The following TENM4 variants were observed in gnomAD, a reference collection of about 807,000 sequenced individuals.
TENM4 encodes teneurin transmembrane protein 4, also known as teneurin-4.
Under a neutral mutation model 243.3 loss-of-function variants are expected in TENM4, and 82 were observed. That is an observed-to-expected ratio of 0.34 (90% confidence interval 0.28 to 0.40). The LOEUF (loss-of-function observed/expected upper bound fraction) is 0.40, where lower values mean the gene tolerates loss of function less well. Among genes scored for constraint, TENM4 ranks in the 10% least tolerant of loss-of-function variants. The probability of loss-of-function intolerance (pLI) is 1.00; values close to 1 mark genes in which losing one functional copy is unlikely to be tolerated. For synonymous variants in TENM4, 1,412 were observed against 1,456.3 expected (o/e 0.97, Z 0.69); for missense variants, 3,138 against 3,673.3 (o/e 0.85, Z 3.77).
At chr11:78,725,528 C>T (rs1218951623) in intron 23 of TENM4, among the ~76,000 whole-genome samples, 1 of 152,248 alleles carries the variant, frequency 6.6e-6, no homozygotes, top group Non-Finnish European at 1.5e-5. Flanking sequence ...CAGCTGCTCA[C>T]ACCCAAGTTT....
At chr11:78,831,530 C>CA (rs1364503721) in intron 12 of TENM4, among the ~76,000 whole-genome samples, 2 of 152,342 alleles carry the variant, frequency 1.3e-5, no homozygotes, top group East Asian at 3.9e-4. Flanking sequence ...CATTGTCACT[C>CA]AACCTTGGAG....
At chr11:78,858,550 G>A (rs1417733863) in intron 10 of TENM4, among the ~76,000 whole-genome samples, 1 of 152,122 alleles carries the variant, frequency 6.6e-6, no homozygotes, top group Non-Finnish European at 1.5e-5. Flanking sequence ...GCTGGGCTGA[G>A]GGTTGGGAAA....
At chr11:78,862,449 G>T (rs1357063002) in intron 10 of TENM4, among the ~76,000 whole-genome samples, 2 of 152,168 alleles carry the variant, frequency 1.3e-5, no homozygotes, top group Non-Finnish European at 2.9e-5. Flanking sequence ...TATTATTGCG[G>T]ATGCGGAAAC....
chr11:79,192,604 C>T (rs1418766183), intron 3 of TENM4, among the ~76,000 whole-genome samples: 2 of 152,084 alleles, frequency 1.3e-5, no homozygotes, highest in Admixed American at 1.3e-4. Flanking sequence ...ACTCCCTAAT[C>T]TCAAGTACCC....
At chr11:78,746,176 C>G (rs948756964) in intron 19 of TENM4, among the ~76,000 whole-genome samples, 1 of 152,218 alleles carries the variant, frequency 6.6e-6, no homozygotes, top group Non-Finnish European at 1.5e-5. Context: ...ACTGAGTCCA[C>G]GTTCCTCATG....
intron 6 of TENM4, among the ~76,000 whole-genome samples, chr11:79,024,177 T>C (rs1188826181): frequency 2.0e-5 from 3 of 152,176 alleles, no homozygotes; most frequent in African/African-American, 7.2e-5. Context: ...GTGGCCAGGG[T>C]ACCTGGCCCA....
At chr11:79,015,760 T>C (rs527725511) in intron 6 of TENM4, among the ~76,000 whole-genome samples, 2 of 152,310 alleles carry the variant, frequency 1.3e-5, no homozygotes, top group Admixed American at 6.5e-5. Flanking sequence ...ATGGAGCTTC[T>C]AGTTTGGTGA....
At chr11:78,685,035 C>G (rs1024812936) in intron 29 of TENM4, among the ~76,000 whole-genome samples, 1 of 152,166 alleles carries the variant, frequency 6.6e-6, no homozygotes, top group Non-Finnish European at 1.5e-5. Flanking sequence ...CCCCCACTCC[C>G]TCCTCTCTCC....
intron 4 of TENM4, among the ~76,000 whole-genome samples, chr11:79,088,450 A>G (rs1177803105): frequency 6.6e-6 from 1 of 152,204 alleles, no homozygotes; most frequent in East Asian, 1.9e-4. Flanking sequence ...TTGGCTCTGC[A>G]GTCAGGAAGC....
Position 79,274,913 on chromosome 11 carries a change from T to C in TENM4, c.-265+22575A>G, listed in dbSNP as rs1021658192. 2.0e-5 allele frequency among the ~76,000 whole-genome samples: 3 copies of C among 152,340 alleles called. No homozygotes were observed. The East Asian group carries it at 5.8e-4, about 29-fold the overall frequency. ...GACTTCTCCCCGGGCCTCAGTTTCC[T>C]GCAGGGAGTTGGGAATGCTCAGTGG... is the stretch of plus-strand genomic sequence containing the variant. On this transcript the variant is annotated intron_variant, in intron 2 of 33. Coordinates refer to ENST00000278550, the MANE Select transcript of TENM4 (RefSeq NM_001098816.3).
At chr11:79,314,090 A>C (rs926083327) in intron 1 of TENM4, among the ~76,000 whole-genome samples, 3 of 152,184 alleles carry the variant, frequency 2.0e-5, no homozygotes, top group Admixed American at 6.5e-5. Context: ...CTGGATTTGC[A>C]GTCATGAAGG....
intron 4 of TENM4, among the ~76,000 whole-genome samples, chr11:79,111,092 A>C (rs9667334): frequency 1.3e-5 from 2 of 151,978 alleles, no homozygotes; most frequent in East Asian, 3.9e-4. Flanking sequence ...TACTGTTCTC[A>C]TGGCAGTGAG....
chr11:79,328,843 C>T (rs935175170), intron 1 of TENM4, among the ~76,000 whole-genome samples: 7 of 152,062 alleles, frequency 4.6e-5, no homozygotes, highest in African/African-American at 1.7e-4. Flanking sequence ...TCTTCTTCTT[C>T]CCAGAAGAAG....
intron 19 of TENM4, among the ~76,000 whole-genome samples, chr11:78,753,772 T>C (rs745917684): frequency 1.3e-5 from 2 of 152,210 alleles, no homozygotes; most frequent in African/African-American, 4.8e-5. Flanking sequence ...TCTATTCATT[T>C]GTAGAGCAAA....
In TENM4 at chr11:78,805,282, C is replaced by CCCCCCCCCACCCCCCCCCCCCTTTT; in HGVS notation, c.2179+9_2179+10insAAAAGGGGGGGGGGGGTGGGGGGGG. On this transcript the variant is annotated intron_variant, in intron 15 of 33. Coordinates refer to ENST00000278550, the MANE Select transcript of TENM4 (RefSeq NM_001098816.3). ...CCCTCTACCCATGCTTCTTCTCCCC[C>CCCCCCCCCACCCCCCCCCCCCTTTT]TGCATTTACCGATAGAACAGTCGTG... is the stretch of plus-strand genomic sequence containing the variant. The CCCCCCCCCACCCCCCCCCCCCTTTT allele has an allele frequency of 2.0e-6, 2 of 995,564 alleles. No individual in the cohort carries two copies. The highest frequency in any genetic ancestry group is 4.9e-5 in the Admixed American group (1 of 20,342). 61.7% of individuals were successfully genotyped at this position (995,564 alleles called of 1,614,324 possible).
At chr11:78,938,184 T>G (rs893127589) in intron 6 of TENM4, among the ~76,000 whole-genome samples, 2 of 152,256 alleles carry the variant, frequency 1.3e-5, no homozygotes, top group Non-Finnish European at 2.9e-5. Flanking sequence ...TTCTTCCTGC[T>G]GCAGCTTTAA....
chr11:78,877,539 C>G (rs1859298756), intron 9 of TENM4, among the ~76,000 whole-genome samples: 1 of 152,174 alleles, frequency 6.6e-6, no homozygotes, highest in Admixed American at 6.5e-5. Flanking sequence ...ATAAAATCAA[C>G]TCCTTTTCCA....
rs570015405 is a variant in TENM4 at position 79,167,088 on chromosome 11, G to C, written c.-162-18282C>G. ...CAAGTGGAGTTTATTTGTTGCATATGAGTAGTCTGGGGAGAGGCGGTTCAG... is the reference window on the plus strand; with the variant it reads ...CAAGTGGAGTTTATTTGTTGCATATCAGTAGTCTGGGGAGAGGCGGTTCAG... On this transcript the variant is annotated intron_variant, in intron 3 of 33. Transcript: ENST00000278550. Among the ~76,000 whole-genome samples the C allele has an allele frequency of 5.3e-5, 8 of 152,310 alleles. No homozygotes were observed. In the South Asian group the frequency reaches 1.4e-3, roughly 28 times the overall value.
chr11:79,132,493 G>T (rs888537175), intron 4 of TENM4, among the ~76,000 whole-genome samples: 3 of 151,938 alleles, frequency 2.0e-5, no homozygotes, highest in Admixed American at 6.6e-5. Context: ...GGAACAAATG[G>T]ACTTAATAGT....
Sources: gnomAD v4.1 joint callset for allele counts (sites outside exome capture counted in the v4.1 genomes callset) on GRCh38, gnomAD v4.1.1 for gene constraint, MANE v1.5 for transcripts, NCBI Gene and HGNC (gene_info 2026-07-23, HGNC 2026-07-21) for gene names.